Variants in CACNG8 observed in about 807,000 individuals in gnomAD.
CACNG8 encodes calcium voltage-gated channel auxiliary subunit gamma 8.
A neutral mutation model predicts 26.9 loss-of-function variants in CACNG8; 5 were observed. That is an observed-to-expected ratio of 0.19 (90% CI 0.10 to 0.39). CACNG8 has a LOEUF of 0.39. CACNG8 is among the 10% of genes least tolerant of loss of function. The pLI, the probability that CACNG8 is intolerant of heterozygous loss-of-function variation, is 1.00. For missense variants in CACNG8, 473 were observed against 609.4 expected (o/e 0.78, Z 2.36); for synonymous variants, 321 against 296.7 (o/e 1.08, Z -0.84).
chr19:53,980,283 G>A (rs1403668685), intron 3 of CACNG8, among the ~76,000 whole-genome samples: 2 of 152,050 alleles, frequency 1.3e-5, no homozygotes, highest in Non-Finnish European at 1.5e-5. Context: ...TAAGACGCCG[G>A]GCGCTTAGGA....
At chr19:53,979,277 T>C (rs1311989310) in intron 2 of CACNG8, among the ~76,000 whole-genome samples, 1 of 126,864 alleles carries the variant, frequency 7.9e-6, no homozygotes, top group Non-Finnish European at 1.6e-5. Context: ...GCCAGAAAGA[T>C]AGATGAAGCC....
chr19:53,972,378 T>TG (rs2069307885), intron 1 of CACNG8, among the ~76,000 whole-genome samples: 1 of 147,692 alleles, frequency 6.8e-6, no homozygotes, highest in African/African-American at 2.5e-5. Flanking sequence ...TTTTTTTTTT[T>TG]GAGACAGAGT....
Position 53,982,988 on chromosome 19 carries a change from T to G in CACNG8, c.*139T>G. ...TGCTGGGCCCGCCCCACGCCCACCCTCCCCGCCCCCCTCCCCCTCCGAAGC... is the reference window on the plus strand; with the variant it reads ...TGCTGGGCCCGCCCCACGCCCACCCGCCCCGCCCCCCTCCCCCTCCGAAGC... On this transcript the variant is annotated 3_prime_UTR_variant, in exon 4 of 4. Coordinates refer to ENST00000270458, the MANE Select transcript of CACNG8 (RefSeq NM_031895.6). The surrounding 1 kb of genome is among the most constrained non-coding windows in gnomAD (Gnocchi z 8.4). 5.6e-5 allele frequency: 21 copies of G among 375,950 alleles called. No homozygotes were observed. Among genetic ancestry groups the G allele is most frequent in the East Asian group, 6.9e-5 (1 of 14,590 alleles). 23.3% of individuals were successfully genotyped at this position (375,950 alleles called of 1,614,324 possible).
chr19:53,963,526 C>G, intron 1 of CACNG8, 101 bp downstream of exon 1: 1 of 1,205,976 alleles, frequency 8.3e-7, no homozygotes, highest in Non-Finnish European at 1.1e-6. Context: ...CCCCCTTGGG[C>G]ACCCCTCCTC....
chr19:53,972,364 T>TC (rs1225723606), intron 1 of CACNG8, among the ~76,000 whole-genome samples: 2 of 125,532 alleles, frequency 1.6e-5, no homozygotes, highest in Non-Finnish European at 3.4e-5. Flanking sequence ...TTCTTTTCTT[T>TC]TTTTTTTTTT....
intron 2 of CACNG8, among the ~76,000 whole-genome samples, chr19:53,979,207 G>T (rs1369092123): frequency 2.4e-5 from 2 of 84,448 alleles, no homozygotes; most frequent in Non-Finnish European, 3.3e-5. Flanking sequence ...AAAGCGGGGT[G>T]GGGGGGGACC....
chr19:53,963,241 C>G lies in CACNG8; in HGVS notation c.99C>G (p.Gly33=). Reference sequence around the variant, plus strand: ...CGGTGGGCGCCTTCGCCGCCTTCGGCCTCATGACCATCGCCATCAGCACTG... The same window carrying G: ...CGGTGGGCGCCTTCGCCGCCTTCGGGCTCATGACCATCGCCATCAGCACTG... Residue 33 remains glycine (G), a synonymous_variant, in exon 1 of 4, where the codon GGC becomes GGG. Coordinates refer to ENST00000270458, the MANE Select transcript of CACNG8 (RefSeq NM_031895.6). The G allele has an allele frequency of 6.2e-7, 1 of 1,610,268 alleles. No individual in the cohort carries two copies. The highest frequency in any genetic ancestry group is 8.5e-7 in the Non-Finnish European group (1 of 1,179,034).
intron 1 of CACNG8, among the ~76,000 whole-genome samples, chr19:53,974,636 TATTTATTTA>T (rs1423470156): frequency 2.0e-5 from 3 of 152,014 alleles, no homozygotes; most frequent in Non-Finnish European, 4.4e-5. Flanking sequence ...TTTATTTATT[TATTTATTTA>T]ATTTATTTAT....
At position 53,982,300 on chromosome 19, in the gene CACNG8, C is replaced by T. The variant is rs778336724; in HGVS notation, c.729C>T (p.Leu243=). Reference sequence around the variant, plus strand: ...ACTGCCAGTCTCGCTCGGACCTGCTCAAGGCCGGCGGGGGCGCGGGCGGCA... The same window carrying T: ...ACTGCCAGTCTCGCTCGGACCTGCTTAAGGCCGGCGGGGGCGCGGGCGGCA... Residue 243 remains leucine, a synonymous_variant, in exon 4 of 4, where the codon CTC becomes CTT. Transcript: ENST00000270458. This position sits in a 1 kb window ranked among gnomAD's most constrained non-coding sequence, Gnocchi z 8.4. The T allele has an allele frequency of 7.5e-6, 12 of 1,605,528 alleles. No homozygotes were observed. The highest frequency in any genetic ancestry group is 1.7e-4 in the Middle Eastern group (1 of 5,992).
chr19:53,965,899 G>C (rs963295412), intron 1 of CACNG8, among the ~76,000 whole-genome samples: 9 of 152,048 alleles, frequency 5.9e-5, no homozygotes, highest in African/African-American at 2.2e-4. Flanking sequence ...ATGGAGGAAA[G>C]TGCTTCAGAC....
intron 1 of CACNG8, 104 bp downstream of exon 1, chr19:53,963,529 C>G: frequency 8.5e-7 from 1 of 1,174,748 alleles, no homozygotes; most frequent in Non-Finnish European, 1.1e-6. Context: ...CCTTGGGCAC[C>G]CCTCCTCCTC....
intron 1 of CACNG8, among the ~76,000 whole-genome samples, chr19:53,969,512 G>C (rs533429250): frequency 4.0e-4 from 61 of 150,910 alleles, no homozygotes; most frequent in African/African-American, 1.1e-3. Context: ...TCTCACCCCC[G>C]GCCTCTCAAC....
In CACNG8 at chr19:53,963,679, C is replaced by G. The variant is rs80080252; in HGVS notation, c.283+254C>G. On this transcript the variant is annotated intron_variant, in intron 1 of 3. Coordinates refer to ENST00000270458, the MANE Select transcript of CACNG8 (RefSeq NM_031895.6). ...GCCCCTCTGCCTCTCCGCTGAACCC[C>G]CTTATCCTATCTTTCCCTAGTCCGT... Among the ~76,000 whole-genome samples the G allele has an allele frequency of 7.5e-3, 1,144 of 152,228 alleles. 16 individuals carry two copies. Among genetic ancestry groups the G allele is most frequent in the African/African-American group, 0.027 (1,103 of 41,554 alleles).
chr19:53,983,670 T>A lies in CACNG8; in HGVS notation c.*821T>A, dbSNP rs560530175. ...ATAGGAGAAACGAGATGCTATGAAA[T>A]GCTCCATCAGGGGAGCCTAACCCAG... On this transcript the variant is annotated 3_prime_UTR_variant, in exon 4 of 4. Transcript: ENST00000270458. The A allele has an allele frequency of 4.5e-4, 69 of 152,430 alleles. No individual in the cohort carries two copies. Among genetic ancestry groups the A allele is most frequent in the African/African-American group, 1.6e-3 (68 of 41,556 alleles). 9.4% of individuals were successfully genotyped at this position (152,430 alleles called of 1,614,324 possible). A position where few individuals can be genotyped will look rare whatever the true frequency, so the allele number is the denominator to read the frequency against.
intron 1 of CACNG8, among the ~76,000 whole-genome samples, chr19:53,972,040 G>A (rs576101342): frequency 2.2e-4 from 33 of 151,136 alleles, no homozygotes; most frequent in African/African-American, 6.6e-4. Context: ...GCTGGAGTGC[G>A]CTGGAGTGCA....
Position 53,963,265 on chromosome 19 carries a change from T to C in CACNG8, c.123T>C (p.Thr41=), listed in dbSNP as rs1161038287. The change falls in exon 1 of 4, where the codon ACT becomes ACC. Residue 41 remains threonine, a synonymous_variant. Transcript: ENST00000270458. ...GCCTCATGACCATCGCCATCAGCACTGACTACTGGCTCTACACGCGCGCCC... is the reference window on the plus strand; with the variant it reads ...GCCTCATGACCATCGCCATCAGCACCGACTACTGGCTCTACACGCGCGCCC... 1.2e-6 allele frequency: 2 copies of C among 1,610,750 alleles called. No homozygotes were observed. The highest frequency in any genetic ancestry group is 1.3e-5 in the African/African-American group (1 of 74,848).
chr19:53,967,653 G>T (rs2069279035), intron 1 of CACNG8, among the ~76,000 whole-genome samples: 1 of 151,746 alleles, frequency 6.6e-6, no homozygotes, highest in African/African-American at 2.4e-5. Flanking sequence ...TGGCCAACAT[G>T]GTGAAAACTG....
chr19:53,964,305 C>G (rs2069260528), intron 1 of CACNG8, among the ~76,000 whole-genome samples: 3 of 151,722 alleles, frequency 2.0e-5, no homozygotes, highest in South Asian at 4.2e-4. Context: ...GGCTGCTGCT[C>G]CCCTGAAACT....
chr19:53,974,414 A>G (rs1031613456), intron 1 of CACNG8, among the ~76,000 whole-genome samples: 5 of 152,130 alleles, frequency 3.3e-5, no homozygotes, highest in Non-Finnish European at 7.4e-5. Context: ...GCTACTATGA[A>G]CACGAGTGTA....
Sources: gnomAD v4.1 joint callset for allele counts (sites outside exome capture counted in the v4.1 genomes callset) on GRCh38, gnomAD v4.1.1 for gene constraint, Gnocchi (gnomAD v3.1) non-coding constraint, MANE v1.5 for transcripts, NCBI Gene and HGNC (gene_info 2026-07-23, HGNC 2026-07-21) for gene names.